Variants in PDZRN4 observed in about 807,000 individuals in gnomAD.
The protein encoded by PDZRN4 is PDZ domain-containing RING finger protein 4.
Under a neutral mutation model 99.0 loss-of-function variants are expected in PDZRN4, and 70 were observed. That is an observed-to-expected ratio of 0.71 (90% CI 0.58 to 0.86). PDZRN4 has a LOEUF of 0.86. Ranked by LOEUF, PDZRN4 falls within the 40% of genes least tolerant of loss-of-function variation. The probability of loss-of-function intolerance (pLI) is 0.00; values close to 1 mark genes in which losing one functional copy is unlikely to be tolerated. For synonymous variants in PDZRN4, 551 were observed against 501.6 expected (o/e 1.10, Z -1.32); for missense variants, 1,474 against 1,331.2 (o/e 1.11, Z -1.67).
chr12:41,573,141 A>T lies in PDZRN4; in HGVS notation c.2362A>T (p.Lys788Ter). The T allele has an allele frequency of 6.2e-6, 10 of 1,614,144 alleles. No individual in the cohort carries two copies. The highest frequency in any genetic ancestry group is 8.5e-6 in the Non-Finnish European group (10 of 1,180,010). The part of the protein sequence containing the change: ...ATQSSSGQSS[K>*]ESTSTKAKTT... Reference sequence around the variant, plus strand: ...CCAGTCCTCTTCCGGACAGAGCAGTAAAGAGTCGACCTCCACCAAAGCCAA... The same window carrying T: ...CCAGTCCTCTTCCGGACAGAGCAGTTAAGAGTCGACCTCCACCAAAGCCAA... The change falls in exon 10 of 10, where the codon AAA (lysine) becomes TAA (stop). Residue 788 changes from lysine (K) to a stop codon, truncating the protein, a stop_gained. Coordinates refer to ENST00000402685, the MANE Select transcript of PDZRN4 (RefSeq NM_001164595.2). LOFTEE classifies it high-confidence loss of function.
At chr12:41,202,927 G>A (rs999233377) in intron 3 of PDZRN4, among the ~76,000 whole-genome samples, 1 of 151,908 alleles carries the variant, frequency 6.6e-6, no homozygotes, top group Admixed American at 6.6e-5. Flanking sequence ...GTAAAATTAG[G>A]TGATTTGATG....
intron 5 of PDZRN4, among the ~76,000 whole-genome samples, chr12:41,529,366 T>A (rs1938622912): frequency 6.6e-6 from 1 of 152,148 alleles, no homozygotes; most frequent in Non-Finnish European, 1.5e-5. Context: ...TTGTCCTAGA[T>A]GAGATATTGA....
chr12:41,496,518 G>C (rs918862620), intron 3 of PDZRN4, among the ~76,000 whole-genome samples: 10 of 152,096 alleles, frequency 6.6e-5, no homozygotes, highest in Admixed American at 2.0e-4. Context: ...AGTTCTGAGT[G>C]ATTCCCACGT....
chr12:41,477,117 C>G (rs1191262184), intron 3 of PDZRN4, among the ~76,000 whole-genome samples: 1 of 152,176 alleles, frequency 6.6e-6, no homozygotes, highest in Non-Finnish European at 1.5e-5. Context: ...CTACACCTCC[C>G]ATTAAGATAT....
intron 3 of PDZRN4, among the ~76,000 whole-genome samples, chr12:41,339,568 A>G (rs1348154962): frequency 6.6e-6 from 1 of 152,104 alleles, no homozygotes; most frequent in Non-Finnish European, 1.5e-5. Context: ...AACAAAGCAA[A>G]ATGGACAAAT....
At chr12:41,189,948 C>T (rs1224772533) in intron 1 of PDZRN4, among the ~76,000 whole-genome samples, 16 of 152,260 alleles carry the variant, frequency 1.1e-4, no homozygotes, top group East Asian at 3.9e-4. Flanking sequence ...GGCTTTCATA[C>T]CGAATAAACA....
At chr12:41,298,134 T>C (rs1951508184) in intron 3 of PDZRN4, among the ~76,000 whole-genome samples, 2 of 152,154 alleles carry the variant, frequency 1.3e-5, no homozygotes, top group African/African-American at 4.8e-5. Context: ...TTTTATATTA[T>C]AGAAACAATG....
At chr12:41,323,660 T>C (rs1243997031) in intron 3 of PDZRN4, among the ~76,000 whole-genome samples, 1 of 151,976 alleles carries the variant, frequency 6.6e-6, no homozygotes, top group Non-Finnish European at 1.5e-5. Flanking sequence ...ATTATTTATA[T>C]TATCCAAAAA....
At chr12:41,245,488 TA>T (rs1951128075) in intron 3 of PDZRN4, among the ~76,000 whole-genome samples, 1 of 152,150 alleles carries the variant, frequency 6.6e-6, no homozygotes, top group Admixed American at 6.5e-5. Flanking sequence ...TAGAGTCCTA[TA>T]AAAAGTTTTG....
At position 41,553,873 on chromosome 12, in the gene PDZRN4, C is replaced by T. The variant is rs568836084; in HGVS notation, c.1302+1119C>T. Among the ~76,000 whole-genome samples the T allele has an allele frequency of 2.2e-3, 145 of 65,738 alleles. 1 individual carries two copies. Among genetic ancestry groups the T allele is most frequent in the African/African-American group, 0.011 (138 of 12,196 alleles). 43.1% of individuals were successfully genotyped at this position (65,738 alleles called of 152,430 possible). ...GTTTTCTTGGCCATAATCTTGAAAACGTTACCTAAATATACTGAGCTTCAG... is the reference window on the plus strand; with the variant it reads ...GTTTTCTTGGCCATAATCTTGAAAATGTTACCTAAATATACTGAGCTTCAG... On this transcript the variant is annotated intron_variant, in intron 6 of 9. Transcript: ENST00000402685.
At chr12:41,373,375 A>T (rs559189515) in intron 3 of PDZRN4, among the ~76,000 whole-genome samples, 3 of 152,196 alleles carry the variant, frequency 2.0e-5, no homozygotes, top group African/African-American at 7.2e-5. Context: ...GGCTTATTTC[A>T]TCCCTACAGC....
chr12:41,311,354 A>C (rs1951605563), intron 3 of PDZRN4, among the ~76,000 whole-genome samples: 1 of 152,096 alleles, frequency 6.6e-6, no homozygotes, highest in Non-Finnish European at 1.5e-5. Context: ...TTAATCAGCA[A>C]TACACAATAT....
chr12:41,189,266 A>G (rs1264385686), intron 1 of PDZRN4, among the ~76,000 whole-genome samples, 163 bp downstream of exon 1: 1 of 152,064 alleles, frequency 6.6e-6, no homozygotes, highest in Non-Finnish European at 1.5e-5. Context: ...TATCTTACGA[A>G]TGGATTGGCG....
chr12:41,384,231 A>G (rs1343624599), intron 3 of PDZRN4, among the ~76,000 whole-genome samples: 1 of 152,076 alleles, frequency 6.6e-6, no homozygotes, highest in Non-Finnish European at 1.5e-5. Flanking sequence ...TGCAAAAGGT[A>G]ATCAGTTTAT....
At chr12:41,485,764 T>C (rs989369624) in intron 3 of PDZRN4, among the ~76,000 whole-genome samples, 1 of 152,182 alleles carries the variant, frequency 6.6e-6, no homozygotes, top group East Asian at 1.9e-4. Flanking sequence ...AAATCATTTA[T>C]TGGTCCTTAA....
At chr12:41,287,419 C>T (rs1263950231) in intron 3 of PDZRN4, among the ~76,000 whole-genome samples, 1 of 152,176 alleles carries the variant, frequency 6.6e-6, no homozygotes, top group African/African-American at 2.4e-5. Flanking sequence ...CAATTCTACC[C>T]AAATTAGCTT....
At chr12:41,403,140 C>T (rs1189940102) in intron 3 of PDZRN4, among the ~76,000 whole-genome samples, 2 of 152,142 alleles carry the variant, frequency 1.3e-5, no homozygotes, top group African/African-American at 4.8e-5. Flanking sequence ...TAGCAATAGG[C>T]AGCATATTAC....
chr12:41,434,072 A>G (rs1952607824), intron 3 of PDZRN4, among the ~76,000 whole-genome samples: 1 of 152,202 alleles, frequency 6.6e-6, no homozygotes, highest in Admixed American at 6.5e-5. Flanking sequence ...TTAGAATTTT[A>G]TCAACCAAAT....
chr12:41,499,243 G>C (rs76045141), intron 3 of PDZRN4, among the ~76,000 whole-genome samples: 1 of 151,978 alleles, frequency 6.6e-6, no homozygotes, highest in African/African-American at 2.4e-5. Context: ...GTGAGGCAGG[G>C]GTGCCAAGAC....
Sources: gnomAD v4.1 joint callset for allele counts (sites outside exome capture counted in the v4.1 genomes callset) on GRCh38, gnomAD v4.1.1 for gene constraint, MANE v1.5 for transcripts, NCBI Gene and HGNC (gene_info 2026-07-23, HGNC 2026-07-21) for gene names.